LURAP1L: variants seen among roughly 807,000 people sequenced by gnomAD.
The protein encoded by LURAP1L is leucine rich adaptor protein 1-like.
LURAP1L carries 12 observed loss-of-function variants against 13.8 expected under a neutral mutation model. The ratio of observed to expected loss-of-function variants is 0.87; its 90% CI spans 0.56 to 1.41. The LOEUF (loss-of-function observed/expected upper bound fraction) is 1.41. Among genes scored for constraint, LURAP1L ranks in the 40% most tolerant of loss-of-function variants. The pLI, the probability that LURAP1L is intolerant of heterozygous loss-of-function variation, is 0.00. For missense variants in LURAP1L, 375 were observed against 292.9 expected, an observed-to-expected ratio of 1.28 and a Z score of -2.04; for synonymous variants, 139 against 119.2, an observed-to-expected ratio of 1.17 and a Z score of -1.08.
rs1014478610 is a variant in LURAP1L at position 12,798,101 on chromosome 9, A to G, written c.312+22074A>G. Among the ~76,000 whole-genome samples, 3 of 152,214 alleles carry G rather than the reference A, an allele frequency of 2.0e-5. No individual in the cohort carries two copies. In the East Asian group the frequency reaches 5.8e-4, roughly 29 times the overall value. ...ATCATTTTTATTTCTAGTTTACAAT[A>G]AAAGCATGTATAATTTAGTATAAAA... On this transcript the variant is annotated intron_variant, in intron 1 of 1. Coordinates refer to ENST00000319264, the MANE Select transcript of LURAP1L (RefSeq NM_203403.2).
chr9:12,800,365 A>G (rs1033405882), intron 1 of LURAP1L, among the ~76,000 whole-genome samples: 2 of 152,222 alleles, frequency 1.3e-5, no homozygotes, highest in African/African-American at 4.8e-5. Flanking sequence ...TCCAACTGAC[A>G]AAAATCCAAG....
At chr9:12,786,570 ATATATATAT>A (rs1318387809) in intron 1 of LURAP1L, among the ~76,000 whole-genome samples, 27 of 126,836 alleles carry the variant, frequency 2.1e-4, no homozygotes, top group South Asian at 5.7e-4. Flanking sequence ...ATATATATAT[ATATATATAT>A]ATAAACCCTT....
At chr9:12,810,743 G>A (rs1819725569) in intron 1 of LURAP1L, among the ~76,000 whole-genome samples, 1 of 152,158 alleles carries the variant, frequency 6.6e-6, no homozygotes, top group Non-Finnish European at 1.5e-5. Flanking sequence ...TATTATCAGT[G>A]AATGTTGGAA....
chr9:12,801,766 AC>A (rs1262026377), intron 1 of LURAP1L, among the ~76,000 whole-genome samples: 3 of 152,194 alleles, frequency 2.0e-5, no homozygotes, highest in Non-Finnish European at 4.4e-5. Context: ...AGGGAGAATA[AC>A]TCAAAACACA....
At chr9:12,788,316 G>A (rs62540218) in intron 1 of LURAP1L, among the ~76,000 whole-genome samples, 24,750 of 152,044 alleles carry the variant, frequency 0.16, 2,061 homozygotes, top group Non-Finnish European at 0.17. Flanking sequence ...CCTTGGCAAG[G>A]ATGGAGATAA....
At chr9:12,790,802 G>A (rs1819430777) in intron 1 of LURAP1L, 1 of 150,938 alleles carries the variant, frequency 6.6e-6, no homozygotes, top group African/African-American at 2.4e-5. Flanking sequence ...TTAGTTTTTG[G>A]CATCTTCTTT....
chr9:12,813,264 GT>G lies in LURAP1L; in HGVS notation c.313-8120del, dbSNP rs565585552. Among the ~76,000 whole-genome samples the G allele has an allele frequency of 3.7e-3, 565 of 152,082 alleles. 3 individuals carry two copies. Among genetic ancestry groups the G allele is most frequent in the African/African-American group, 0.013 (526 of 41,494 alleles). ...TTAAAGTATTTATATAAACCTACTA[GT>G]TAAGTATTTATATAAACCTATAATT... On this transcript the variant is annotated intron_variant, in intron 1 of 1. Transcript: ENST00000319264.
chr9:12,783,664 C>G (rs1011845845), intron 1 of LURAP1L, among the ~76,000 whole-genome samples: 3 of 151,800 alleles, frequency 2.0e-5, no homozygotes, highest in African/African-American at 7.3e-5. Context: ...TATACTTTCT[C>G]TTTTTTTGAT....
chr9:12,809,915 TC>T (rs1436077838), intron 1 of LURAP1L, among the ~76,000 whole-genome samples: 1 of 152,164 alleles, frequency 6.6e-6, no homozygotes, highest in Non-Finnish European at 1.5e-5. Context: ...TTTGCTGTAA[TC>T]CCCTGTTATT....
intron 1 of LURAP1L, among the ~76,000 whole-genome samples, chr9:12,807,648 T>C (rs1586884860): frequency 6.6e-6 from 1 of 152,240 alleles, no homozygotes; most frequent in African/African-American, 2.4e-5. Context: ...TGTCTTTTAA[T>C]TGATGTATTT....
rs902923494 is a variant in LURAP1L at position 12,775,985 on chromosome 9, G to A, written c.270G>A (p.Leu90=). The A allele has an allele frequency of 5.0e-6, 8 of 1,608,834 alleles. No homozygotes were observed. Among genetic ancestry groups the A allele is most frequent in the Non-Finnish European group, 5.9e-6 (7 of 1,177,944 alleles). The change falls in exon 1 of 2, where the codon CTG becomes CTA. Residue 90 remains leucine, a synonymous_variant. Transcript: ENST00000319264. Reference sequence around the variant, plus strand: ...CACGAGGTAGCCACTCTAGCGCCCTGGAGAGGCTAGAAACCAAGCTTCACC... The same window carrying A: ...CACGAGGTAGCCACTCTAGCGCCCTAGAGAGGCTAGAAACCAAGCTTCACC... ...GSPRGSHSSA[L]ERLETKLHLL...
At chr9:12,804,662 C>T (rs1434175793) in intron 1 of LURAP1L, among the ~76,000 whole-genome samples, 1 of 151,488 alleles carries the variant, frequency 6.6e-6, no homozygotes, top group Non-Finnish European at 1.5e-5. Flanking sequence ...TTGATTCTAT[C>T]AAAAAAATTT....
At chr9:12,788,147 AGAAG>A (rs1819384957) in intron 1 of LURAP1L, among the ~76,000 whole-genome samples, 2 of 43,378 alleles carry the variant, frequency 4.6e-5, no homozygotes, top group Non-Finnish European at 4.3e-5. Flanking sequence ...AGAAAGAGAA[AGAAG>A]AAAGAAAGAA....
At chr9:12,779,821 G>A (rs1224831572) in intron 1 of LURAP1L, among the ~76,000 whole-genome samples, 1 of 152,146 alleles carries the variant, frequency 6.6e-6, no homozygotes, top group African/African-American at 2.4e-5. Flanking sequence ...ATGTTAAACT[G>A]TATTTTTGTT....
At position 12,807,046 on chromosome 9, in the gene LURAP1L, T is replaced by A. The variant is rs1316735778; in HGVS notation, c.313-14340T>A. On this transcript the variant is annotated intron_variant, in intron 1 of 1. Transcript: ENST00000319264. The stretch of plus-strand genomic sequence containing the variant: ...AAAAAAAAAAAAAAAAAAAAAAAAA[T>A]GAGACTAAACCATCTTGGCTAACAC... 8.5e-3 allele frequency among the ~76,000 whole-genome samples: 413 copies of A among 48,850 alleles called. 1 individual carries two copies. The highest frequency in any genetic ancestry group is 0.015 in the African/African-American group (150 of 10,340). The allele number at this position is 48,850 out of a possible 152,430, so 32.0% of individuals were successfully genotyped here. A position where few individuals can be genotyped will look rare whatever the true frequency, so the allele number is the denominator to read the frequency against.
chr9:12,802,866 T>G (rs1819605967), intron 1 of LURAP1L, among the ~76,000 whole-genome samples: 1 of 152,172 alleles, frequency 6.6e-6, no homozygotes, highest in African/African-American at 2.4e-5. Context: ...TCTTGTCACT[T>G]TATTAGCACA....
At chr9:12,789,467 C>T (rs1017662717) in intron 1 of LURAP1L, among the ~76,000 whole-genome samples, 4 of 152,104 alleles carry the variant, frequency 2.6e-5, no homozygotes, top group African/African-American at 9.7e-5. Flanking sequence ...CATGCTACAT[C>T]GGAGTCCCTA....
At chr9:12,783,888 C>A (rs952983671) in intron 1 of LURAP1L, among the ~76,000 whole-genome samples, 1 of 146,850 alleles carries the variant, frequency 6.8e-6, no homozygotes, top group Admixed American at 6.9e-5. Flanking sequence ...TATTTTGTCT[C>A]CCTCACTGTA....
intron 1 of LURAP1L, among the ~76,000 whole-genome samples, chr9:12,793,395 T>C (rs962731667): frequency 6.6e-6 from 1 of 152,098 alleles, no homozygotes; most frequent in Non-Finnish European, 1.5e-5. Flanking sequence ...TGTACTTATA[T>C]TTGTTGTCCA....
Sources: allele counts gnomAD v4.1 joint callset (sites outside exome capture counted in the v4.1 genomes callset), GRCh38; gene constraint gnomAD v4.1.1; transcripts MANE v1.5; gene names NCBI Gene and HGNC (gene_info 2026-07-23, HGNC 2026-07-21).